Variants in ACAN observed in about 807,000 individuals in gnomAD.
ACAN encodes the protein aggrecan core protein.
Under a neutral mutation model 169.1 loss-of-function variants are expected in ACAN, and 47 were observed. The observed-to-expected ratio is 0.28, with a 90% CI of 0.22 to 0.35. The LOEUF is 0.35. Ranked by LOEUF, ACAN falls within the 10% of genes least tolerant of loss-of-function variation. The pLI, the probability that ACAN is intolerant of heterozygous loss-of-function variation, is 1.00. For synonymous variants in ACAN, 1,115 were observed against 1,112.2 expected (o/e 1.00, Z -0.05); for missense variants, 2,716 against 2,759.9 (o/e 0.98, Z 0.36).
At chr15:88,821,937 G>A (rs1209214649) in intron 1 of ACAN, among the ~76,000 whole-genome samples, 1 of 152,202 alleles carries the variant, frequency 6.6e-6, no homozygotes, top group Non-Finnish European at 1.5e-5. Flanking sequence ...AAAGGGCAGG[G>A]GCCAGGAGAG....
intron 1 of ACAN, among the ~76,000 whole-genome samples, chr15:88,810,576 T>C (rs1895796607): frequency 6.6e-6 from 1 of 152,094 alleles, no homozygotes; most frequent in Non-Finnish European, 1.5e-5. Context: ...CCCTTTGACC[T>C]GCATATCCAG....
rs1262320997 is a variant in ACAN at position 88,866,153 on chromosome 15, C to T, written c.6947-2063C>T. On this transcript the variant is annotated intron_variant, in intron 13 of 18. Coordinates refer to ENST00000560601, the MANE Select transcript of ACAN (RefSeq NM_001369268.1). This position sits in a 1 kb window ranked among gnomAD's most constrained non-coding sequence, Gnocchi z 5.6. ...CTGGGAGCAGGTTTTATGCGACCAG[C>T]CTCTGAGACAACTGGATACCCCCCA... Among the ~76,000 whole-genome samples the T allele has an allele frequency of 6.6e-6, 1 of 152,194 alleles. No homozygotes were observed. Among genetic ancestry groups the T allele is most frequent in the African/African-American group, 2.4e-5 (1 of 41,450 alleles).
At position 88,868,404 on chromosome 15, in the gene ACAN, C is replaced by T. The variant is rs1897315575; in HGVS notation, c.7060+75C>T. 1.5e-6 allele frequency: 1 copy of T among 660,628 alleles called. No individual in the cohort carries two copies. The highest frequency in any genetic ancestry group is 2.8e-6 in the Non-Finnish European group (1 of 362,276). The allele number at this position is 660,628 out of a possible 1,614,324, so 40.9% of individuals were successfully genotyped here. A position where few individuals can be genotyped will look rare whatever the true frequency, so the allele number is the denominator to read the frequency against. ...CTCCTCCCTCACCTTTCCCTCCTAACAACAGGCTCCAGGCCCTGGCTGGGG... is the reference window on the plus strand; with the variant it reads ...CTCCTCCCTCACCTTTCCCTCCTAATAACAGGCTCCAGGCCCTGGCTGGGG... On this transcript the variant is annotated intron_variant, in intron 14 of 18. Coordinates refer to ENST00000560601, the MANE Select transcript of ACAN (RefSeq NM_001369268.1). This position sits in a 1 kb window ranked among gnomAD's most constrained non-coding sequence, Gnocchi z 5.2.
chr15:88,868,174 T>A lies in ACAN; in HGVS notation c.6947-42T>A, dbSNP rs372456256. 5 of 692,680 alleles carry A rather than the reference T, an allele frequency of 7.2e-6. No homozygotes were observed. In the East Asian group the frequency reaches 1.1e-4, roughly 15 times the overall value. The allele number at this position is 692,680 out of a possible 1,614,324, so 42.9% of individuals were successfully genotyped here. ...GGCCACAGTGCTTGTGAGGCTGGAG[T>A]TGCCGGCAGGAGTCCTAATGGTGGC... On this transcript the variant is annotated intron_variant, in intron 13 of 18. Coordinates refer to ENST00000560601, the MANE Select transcript of ACAN (RefSeq NM_001369268.1). This position sits in a 1 kb window ranked among gnomAD's most constrained non-coding sequence, Gnocchi z 5.2.
chr15:88,842,473 C>G (rs1470619128), intron 5 of ACAN, among the ~76,000 whole-genome samples: 1 of 151,700 alleles, frequency 6.6e-6, no homozygotes, highest in African/African-American at 2.4e-5. Context: ...TTTGTACTTT[C>G]CAGACTCTGC....
At position 88,851,673 on chromosome 15, in the gene ACAN, G is replaced by A. The variant is rs894969486; in HGVS notation, c.2027-121G>A. The A allele has an allele frequency of 3.2e-6, 4 of 1,241,982 alleles. No homozygotes were observed. Among genetic ancestry groups the A allele is most frequent in the Non-Finnish European group, 4.4e-6 (4 of 915,100 alleles). The allele number at this position is 1,241,982 out of a possible 1,614,324, so 76.9% of individuals were successfully genotyped here. A position where few individuals can be genotyped will look rare whatever the true frequency, so the allele number is the denominator to read the frequency against. On this transcript the variant is annotated intron_variant, in intron 10 of 18. Transcript: ENST00000560601. This position sits in a 1 kb window ranked among gnomAD's most constrained non-coding sequence, Gnocchi z 4.3. ...TAAGCGAGAAGGCAAACAGCCATCTGCTGAACTAGGAGGTGGGGCCTGGCC... is the reference window on the plus strand; with the variant it reads ...TAAGCGAGAAGGCAAACAGCCATCTACTGAACTAGGAGGTGGGGCCTGGCC...
At chr15:88,828,156 A>G (rs144735602) in intron 1 of ACAN, among the ~76,000 whole-genome samples, 2 of 152,152 alleles carry the variant, frequency 1.3e-5, no homozygotes, top group African/African-American at 4.8e-5. Context: ...TGGCATTTGC[A>G]TGGGGCCTCA....
In ACAN at chr15:88,872,730, C is replaced by A; in HGVS notation, c.7303-151C>A. 1.0e-6 allele frequency: 1 copy of A among 992,700 alleles called. No homozygotes were observed. Among genetic ancestry groups the A allele is most frequent in the Non-Finnish European group, 1.5e-6 (1 of 684,130 alleles). 61.5% of individuals were successfully genotyped at this position (992,700 alleles called of 1,614,324 possible). ...CCCTAGAACAGCCCTGATCAGATTC[C>A]CAGCAGTTTTTGTGCTGCTATCAGA... On this transcript the variant is annotated intron_variant, in intron 16 of 18. Transcript: ENST00000560601. This position sits in a 1 kb window ranked among gnomAD's most constrained non-coding sequence, Gnocchi z 5.4.
In ACAN at chr15:88,838,137, G is replaced by C. The variant is rs574172190; in HGVS notation, c.71-526G>C. Reference sequence around the variant, plus strand: ...CCCCTGACTCCCAAACAGCAGAAGAGAGTGACTTGTCCCGGTGGCAAAATC... The same window carrying C: ...CCCCTGACTCCCAAACAGCAGAAGACAGTGACTTGTCCCGGTGGCAAAATC... On this transcript the variant is annotated intron_variant, in intron 2 of 18. Coordinates refer to ENST00000560601, the MANE Select transcript of ACAN (RefSeq NM_001369268.1). The surrounding 1 kb of genome is among the most constrained non-coding windows in gnomAD (Gnocchi z 5.1). 1.3e-4 allele frequency among the ~76,000 whole-genome samples: 20 copies of C among 152,226 alleles called. No homozygotes were observed. Among genetic ancestry groups the C allele is most frequent in the Admixed American group, 1.2e-3 (18 of 15,288 alleles).
intron 5 of ACAN, among the ~76,000 whole-genome samples, chr15:88,842,519 CCCCCCT>C (rs967418572): frequency 9.4e-5 from 14 of 148,708 alleles, no homozygotes; most frequent in East Asian, 3.9e-4. Flanking sequence ...CATCCCCCCT[CCCCCCT>C]ACCTGAGCAC....
rs750092063 is a variant in ACAN at position 88,857,784 on chromosome 15, T to G, written c.5199T>G (p.Phe1733Leu). 40 of 1,613,834 alleles carry G rather than the reference T, an allele frequency of 2.5e-5. 2 individuals are homozygous for G. In the South Asian group the frequency reaches 4.4e-4, roughly 18 times the overall value. The change falls in exon 12 of 19, where the codon TTT becomes TTG. Residue 1733 changes from phenylalanine to leucine, a missense_variant. This residue lies in a region of ACAN where 1,389 missense variants were observed against 1,363.7 expected (regional missense o/e 1.02). Transcript: ENST00000560601. Reference sequence around the variant, plus strand: ...TCAGTGGGGAAATACCTGGACTCTTTGGTGTCAGTGGACAGCCATCAGGGT... The same window carrying G: ...TCAGTGGGGAAATACCTGGACTCTTGGGTGTCAGTGGACAGCCATCAGGGT... The part of the protein sequence containing the change: ...PDVSGEIPGL[F>L]GVSGQPSGFP...
Position 88,866,791 on chromosome 15 carries a change from G to A in ACAN, c.6947-1425G>A, listed in dbSNP as rs1224706148. On this transcript the variant is annotated intron_variant, in intron 13 of 18. Coordinates refer to ENST00000560601, the MANE Select transcript of ACAN (RefSeq NM_001369268.1). The surrounding 1 kb of genome is among the most constrained non-coding windows in gnomAD (Gnocchi z 5.6). ...ATCTCATCAGAAGGTTGACTTTAAG[G>A]TCTGGTCTGCTCTTATGGGAGGCAA... Among the ~76,000 whole-genome samples, 1 of 152,120 alleles carries A rather than the reference G, an allele frequency of 6.6e-6. No homozygotes were observed. Among genetic ancestry groups the A allele is most frequent in the South Asian group, 2.1e-4 (1 of 4,830 alleles).
In ACAN at chr15:88,859,254, CCAG is replaced by C. The variant is rs781031062; in HGVS notation, c.6673_6675del (p.Gln2225del). On this transcript the variant is annotated inframe_deletion, in exon 12 of 19. Transcript: ENST00000560601. ...CCAGCATCCCAGAGTCTGAGTGGAC[CCAG>C]CAGACCCAGCGCCCTGCAGAGACGC... The C allele has an allele frequency of 9.3e-6, 15 of 1,613,772 alleles. No homozygotes were observed. The highest frequency in any genetic ancestry group is 8.5e-7 in the Non-Finnish European group (1 of 1,179,894).
intron 2 of ACAN, among the ~76,000 whole-genome samples, chr15:88,837,932 C>T (rs79136627): frequency 0.061 from 3,472 of 56,548 alleles, 64 homozygotes; most frequent in African/African-American, 0.14. Context: ...TTTTTTTTTT[C>T]CCCATTCCCA....
intron 2 of ACAN, among the ~76,000 whole-genome samples, chr15:88,837,274 G>A (rs538220817): frequency 2.6e-5 from 4 of 152,264 alleles, no homozygotes; most frequent in South Asian, 4.1e-4. Context: ...AAAAGAAGGC[G>A]GCCCAGCTCC....
intron 1 of ACAN, among the ~76,000 whole-genome samples, chr15:88,834,728 G>A (rs144083946): frequency 3.3e-5 from 5 of 152,348 alleles, no homozygotes; most frequent in South Asian, 2.1e-4. Flanking sequence ...GGCATGCACC[G>A]TGGAGGGAAG....
At chr15:88,865,806 C>T (rs1191489891) in intron 13 of ACAN, among the ~76,000 whole-genome samples, 1 of 152,178 alleles carries the variant, frequency 6.6e-6, no homozygotes, top group South Asian at 2.1e-4. Context: ...CCAGAACGGC[C>T]CTTCCAGCCA....
At position 88,843,745 on chromosome 15, in the gene ACAN, C is replaced by T; in HGVS notation, c.1051+97C>T. 1 of 1,443,054 alleles carries T rather than the reference C, an allele frequency of 6.9e-7. No homozygotes were observed. Among genetic ancestry groups the T allele is most frequent in the Non-Finnish European group, 9.2e-7 (1 of 1,081,632 alleles). 89.4% of individuals were successfully genotyped at this position (1,443,054 alleles called of 1,614,324 possible). On this transcript the variant is annotated intron_variant, in intron 6 of 18. Transcript: ENST00000560601. This position sits in a 1 kb window ranked among gnomAD's most constrained non-coding sequence, Gnocchi z 4.0. ...TGGAAAGGGAGGGTTGGTTTTTGCC[C>T]TTGAAGGGGCCACGGGGTACCTGAA...
chr15:88,850,819 C>T (rs886882551), intron 10 of ACAN: 1 of 152,040 alleles, frequency 6.6e-6, no homozygotes, highest in Non-Finnish European at 1.5e-5. Flanking sequence ...TGGTGTGTAC[C>T]TGTAATCCCA....
Sources: gnomAD v4.1 joint callset for allele counts (sites outside exome capture counted in the v4.1 genomes callset) on GRCh38, gnomAD v4.1.1 for gene constraint, gnomAD v4.1.1 regional missense constraint, Gnocchi (gnomAD v3.1) non-coding constraint, MANE v1.5 for transcripts, NCBI Gene and HGNC (gene_info 2026-07-23, HGNC 2026-07-21) for gene names.